BCL11B: variants seen among roughly 807,000 people sequenced by gnomAD.
The protein encoded by BCL11B is BCL11 transcription factor B, also known as B-cell lymphoma/leukemia 11B.
In BCL11B, 8 loss-of-function variants were observed where a neutral mutation model predicts 49.9. The observed-to-expected ratio is 0.16, with a 90% CI of 0.09 to 0.29. The LOEUF (loss-of-function observed/expected upper bound fraction) is 0.29. BCL11B is among the 10% of genes least tolerant of loss of function. The pLI is 1.00. For missense variants in BCL11B, 1,006 were observed against 1,351.0 expected (o/e 0.74, Z 4.00); for synonymous variants, 739 against 637.4 (o/e 1.16, Z -2.40).
chr14:99,210,761 T>C (rs764921036), intron 3 of BCL11B, among the ~76,000 whole-genome samples: 29 of 152,042 alleles, frequency 1.9e-4, no homozygotes, highest in Admixed American at 1.8e-3. Context: ...AGCCCCAGAG[T>C]TGGTCTAGCA....
intron 3 of BCL11B, among the ~76,000 whole-genome samples, chr14:99,227,786 G>A (rs1888199983): frequency 6.6e-6 from 1 of 152,162 alleles, no homozygotes. Context: ...TGAGGCTCTT[G>A]ACCCCACAGC....
chr14:99,255,786 C>A (rs574247153), intron 2 of BCL11B, among the ~76,000 whole-genome samples: 3 of 152,210 alleles, frequency 2.0e-5, no homozygotes, highest in Admixed American at 6.5e-5. Context: ...TGGCTCAGCC[C>A]GGTGAAGAGA....
Position 99,190,518 on chromosome 14 carries a change from A to T in BCL11B, c.641-14323T>A, listed in dbSNP as rs1886993036. ...GAAATAAATAAATACTAATTTTTTT[A>T]AAAAGGCACTTGTCTGTGCCTTTGT... On this transcript the variant is annotated intron_variant, in intron 3 of 3. Coordinates refer to ENST00000357195, the MANE Select transcript of BCL11B (RefSeq NM_138576.4). Among the ~76,000 whole-genome samples, 14 of 152,324 alleles carry T rather than the reference A, an allele frequency of 9.2e-5. No homozygotes were observed. The South Asian group carries it at 2.7e-3, about 29-fold the overall frequency.
At chr14:99,249,204 G>T (rs904710647) in intron 2 of BCL11B, among the ~76,000 whole-genome samples, 2 of 152,162 alleles carry the variant, frequency 1.3e-5, no homozygotes, top group African/African-American at 4.8e-5. Context: ...AAGAACACAG[G>T]ATCCCACGAG....
intron 1 of BCL11B, among the ~76,000 whole-genome samples, chr14:99,269,524 C>CCCCCG (rs1555385251): frequency 6.7e-6 from 1 of 150,370 alleles, no homozygotes; most frequent in South Asian, 2.1e-4. Flanking sequence ...TTCCCCCCCC[C>CCCCCG]CCAAAAAAAA....
At chr14:99,268,271 C>T (rs946030001) in intron 1 of BCL11B, among the ~76,000 whole-genome samples, 10 of 152,038 alleles carry the variant, frequency 6.6e-5, no homozygotes, top group African/African-American at 2.4e-4. Flanking sequence ...CGCTCCCTCC[C>T]CCCTCTCCCC....
intron 3 of BCL11B, among the ~76,000 whole-genome samples, chr14:99,218,972 C>T (rs529684600): frequency 1.3e-5 from 2 of 152,250 alleles, no homozygotes; most frequent in South Asian, 4.1e-4. Flanking sequence ...ACGGCCCTGC[C>T]GACCCCTCCA....
At chr14:99,270,770 C>T (rs1214339264) in intron 1 of BCL11B, among the ~76,000 whole-genome samples, 1 of 146,914 alleles carries the variant, frequency 6.8e-6, no homozygotes, top group African/African-American at 2.5e-5. Flanking sequence ...CCTCCGCTCC[C>T]CCAGCCCCCT....
intron 3 of BCL11B, among the ~76,000 whole-genome samples, chr14:99,200,072 A>G (rs1207595714): frequency 6.6e-6 from 1 of 151,788 alleles, no homozygotes; most frequent in Non-Finnish European, 1.5e-5. Context: ...TCGGCTTCAA[A>G]AGGCACCAAA....
intron 2 of BCL11B, among the ~76,000 whole-genome samples, chr14:99,235,368 G>A (rs947554388): frequency 2.6e-5 from 4 of 152,182 alleles, no homozygotes; most frequent in Non-Finnish European, 4.4e-5. Flanking sequence ...GGGAGGCAGC[G>A]CGTGTGAGTG....
chr14:99,191,720 CA>C (rs571396643), intron 3 of BCL11B, among the ~76,000 whole-genome samples: 479 of 142,098 alleles, frequency 3.4e-3, no homozygotes, highest in Admixed American at 3.3e-3. Flanking sequence ...AGCCCTCCAC[CA>C]AAAAAAAAAA....
rs1187626032 is a variant in BCL11B, at chr14:99,190,216, C to T, written c.641-14021G>A. 7.2e-5 allele frequency among the ~76,000 whole-genome samples: 7 copies of T among 97,186 alleles called. 1 individual carries two copies. Among genetic ancestry groups the T allele is most frequent in the South Asian group, 4.9e-4 (2 of 4,054 alleles). 63.8% of individuals were successfully genotyped at this position (97,186 alleles called of 152,430 possible). A position where few individuals can be genotyped will look rare whatever the true frequency, so the allele number is the denominator to read the frequency against. ...TAAAACAAGGCACTTGGGCCAGGCG[C>T]GGTGGCTCACGCCTGTAATCCCAGC... is the stretch of plus-strand genomic sequence containing the variant. On this transcript the variant is annotated intron_variant, in intron 3 of 3. Coordinates refer to ENST00000357195, the MANE Select transcript of BCL11B (RefSeq NM_138576.4).
At chr14:99,200,212 C>T (rs2139817944) in intron 3 of BCL11B, among the ~76,000 whole-genome samples, 1 of 152,244 alleles carries the variant, frequency 6.6e-6, no homozygotes, top group Non-Finnish European at 1.5e-5. Context: ...TGCAGGGGTC[C>T]GCAGCCGAGA....
In BCL11B at chr14:99,175,240, C is replaced by T; in HGVS notation, c.1596G>A (p.Glu532=). The change falls in exon 4 of 4, where the codon GAG becomes GAA. Residue 532 remains glutamate, a synonymous_variant. Transcript: ENST00000357195. The part of the protein sequence containing the change: ...SDPSLGHEPE[E]EDEEEEEEEE... ...CCTCCTCCTCCTCCTCCTCGTCCTC[C>T]TCCTCCGGCTCGTGGCCCAGCGACG... 6.5e-7 allele frequency: 1 copy of T among 1,547,106 alleles called. No individual in the cohort carries two copies. The highest frequency in any genetic ancestry group is 8.7e-7 in the Non-Finnish European group (1 of 1,149,706).
chr14:99,266,726 C>T (rs1002355637), intron 1 of BCL11B, among the ~76,000 whole-genome samples: 1 of 152,248 alleles, frequency 6.6e-6, no homozygotes, highest in African/African-American at 2.4e-5. Context: ...GACACGGGCA[C>T]CGAGCTCCCC....
Position 99,192,531 on chromosome 14 carries a change from C to T in BCL11B, c.641-16336G>A, listed in dbSNP as rs961397040. ...TACCTTTCACCTCGTCCTCGCCACACACACCCAGGCCCAGCCCCGCTGCCT... is the reference window on the plus strand; with the variant it reads ...TACCTTTCACCTCGTCCTCGCCACATACACCCAGGCCCAGCCCCGCTGCCT... On this transcript the variant is annotated intron_variant, in intron 3 of 3. Coordinates refer to ENST00000357195, the MANE Select transcript of BCL11B (RefSeq NM_138576.4). This position sits in a 1 kb window ranked among gnomAD's most constrained non-coding sequence, Gnocchi z 4.0. Among the ~76,000 whole-genome samples the T allele has an allele frequency of 6.6e-6, 1 of 152,186 alleles. No homozygotes were observed. The highest frequency in any genetic ancestry group is 1.9e-4 in the East Asian group (1 of 5,200).
chr14:99,260,429 C>T (rs116798712), intron 1 of BCL11B, among the ~76,000 whole-genome samples: 612 of 152,216 alleles, frequency 4.0e-3, no homozygotes, highest in African/African-American at 0.014. Flanking sequence ...TTTTCAGCCT[C>T]GTCCGCCCTC....
At chr14:99,183,536 C>T (rs1376889080) in intron 3 of BCL11B, among the ~76,000 whole-genome samples, 1 of 152,066 alleles carries the variant, frequency 6.6e-6, no homozygotes, top group Non-Finnish European at 1.5e-5. Flanking sequence ...ACTTCAAAGC[C>T]CAGACACTTC....
rs1887138898 is a variant in BCL11B, at chr14:99,194,937, C to T, written c.641-18742G>A. 6.6e-6 allele frequency among the ~76,000 whole-genome samples: 1 copy of T among 152,192 alleles called. No individual in the cohort carries two copies. The highest frequency in any genetic ancestry group is 1.5e-5 in the Non-Finnish European group (1 of 68,036). ...AGGAACAAAGCGCGTCTACCCAAGG[C>T]CATCCAGGCAACAAGGCAGGTCCAG... On this transcript the variant is annotated intron_variant, in intron 3 of 3. Coordinates refer to ENST00000357195, the MANE Select transcript of BCL11B (RefSeq NM_138576.4). This position sits in a 1 kb window ranked among gnomAD's most constrained non-coding sequence, Gnocchi z 4.6.
Sources: allele counts gnomAD v4.1 joint callset (sites outside exome capture counted in the v4.1 genomes callset), GRCh38; gene constraint gnomAD v4.1.1; non-coding constraint Gnocchi (gnomAD v3.1); transcripts MANE v1.5; gene names NCBI Gene and HGNC (gene_info 2026-07-23, HGNC 2026-07-21).